Variants in OFD1 observed in about 807,000 individuals in gnomAD.
The protein encoded by OFD1 is OFD1 centriole and centriolar satellite protein.
OFD1 carries 12 observed loss-of-function variants against 81.4 expected under a neutral mutation model. The observed-to-expected ratio is 0.15, with a 90% confidence interval of 0.09 to 0.24. The LOEUF (loss-of-function observed/expected upper bound fraction) is 0.24, where lower values mean the gene tolerates loss of function less well. Among genes scored for constraint, OFD1 ranks in the 10% least tolerant of loss-of-function variants. OFD1 has a pLI of 1.00. For missense variants in OFD1, 685 were observed against 733.9 expected (o/e 0.93, Z 0.77); for synonymous variants, 256 against 263.7 (o/e 0.97, Z 0.28).
intron 17 of OFD1, 79 bp downstream of exon 17, chrX:13,761,290 ATT>A: frequency 1.0e-5 from 9 of 860,323 alleles, no homozygotes; most frequent in Non-Finnish European, 1.1e-5. Flanking sequence ...TTTTACTGGG[ATT>A]TTTTTTTTTT....
chrX:13,772,860 C>T (rs1183327876), downstream of OFD1: 3 of 1,203,192 alleles, frequency 2.5e-6, no homozygotes, highest in African/African-American at 5.2e-5. Flanking sequence ...AATACGTCGG[C>T]CGAAACACTC....
intron 10 of OFD1, among the ~76,000 whole-genome samples, chrX:13,751,677 T>G (rs777745280): frequency 2.7e-5 from 3 of 110,850 alleles, no homozygotes; most frequent in Non-Finnish European, 3.8e-5. Context: ...CTACTAAAAA[T>G]ACAAAAATTA....
At chrX:13,723,986 G>C in the OFD1 span, among the ~76,000 whole-genome samples, 1 of 112,050 alleles carries the variant, frequency 8.9e-6, no homozygotes, top group Non-Finnish European at 1.9e-5. Flanking sequence ...AGCAAAAGAG[G>C]AAAGTCAGGG....
intron 12 of OFD1, 28 bp from the exon 13 acceptor site, chrX:13,756,550 A>T: frequency 8.6e-7 from 1 of 1,163,405 alleles, no homozygotes; most frequent in Non-Finnish European, 1.2e-6. Context: ...TCATTATTCA[A>T]ATGTAAATTT....
Position 13,768,789 on chromosome X carries a change from C to T in OFD1, c.2996+4C>T, listed in dbSNP as rs186058136. The T allele has an allele frequency of 7.6e-6, 9 of 1,183,154 alleles. No individual in the cohort carries two copies. The East Asian group carries it at 2.4e-4, about 31-fold the overall frequency. ...AATCTAGTGACAAAGTCGAAAGGTA[C>T]CTGTTTTCCCTACACACTTTCATAC... On this transcript the variant is annotated splice_donor_region_variant and intron_variant, in intron 22 of 22. Transcript: ENST00000340096.
the OFD1 span, among the ~76,000 whole-genome samples, chrX:13,727,955 G>A: frequency 6.3e-5 from 7 of 111,992 alleles, no homozygotes; most frequent in Non-Finnish European, 1.1e-4. Flanking sequence ...ACTACCATCA[G>A]AGAATACTAT....
chrX:13,741,870 G>A (rs2146946522), intron 5 of OFD1, among the ~76,000 whole-genome samples: 1 of 111,868 alleles, frequency 8.9e-6, no homozygotes, highest in South Asian at 3.8e-4. Context: ...AAGTCATAAT[G>A]GTGGAATGTC....
chrX:13,762,225 A>T, intron 17 of OFD1, 119 bp from the exon 18 acceptor site: 1 of 527,066 alleles, frequency 1.9e-6, no homozygotes, highest in Non-Finnish European at 3.4e-6. Context: ...GCTATTTACA[A>T]GACAAAGAGA....
chrX:13,741,967 T>C (rs767581493), intron 5 of OFD1, among the ~76,000 whole-genome samples: 2 of 112,010 alleles, frequency 1.8e-5, no homozygotes, highest in Non-Finnish European at 3.8e-5. Context: ...GACGTATATA[T>C]GCAGGTTACG....
rs73451141 is a variant in OFD1, at chrX:13,745,291, T to C, written c.517+772T>C. On this transcript the variant is annotated intron_variant, in intron 6 of 22. Transcript: ENST00000340096. The stretch of plus-strand genomic sequence containing the variant: ...GAGCCACATACATAATTTTAAATTT[T>C]CTAGTAGCCACGTTGAAAAAAGTAA... Among the ~76,000 whole-genome samples, 730 of 112,666 alleles carry C rather than the reference T, an allele frequency of 6.5e-3. 4 individuals carry two copies. The highest frequency in any genetic ancestry group is 0.022 in the African/African-American group (683 of 31,038).
chrX:13,747,261 T>C (rs761806556), intron 8 of OFD1, among the ~76,000 whole-genome samples: 14 of 111,742 alleles, frequency 1.3e-4, no homozygotes, highest in African/African-American at 4.6e-4. Flanking sequence ...TAGGAGCAGA[T>C]TGGAGGTGCA....
In OFD1 at chrX:13,754,879, A is replaced by G. The variant is rs2074099; in HGVS notation, c.1130-272A>G. On this transcript the variant is annotated intron_variant, in intron 11 of 22. Transcript: ENST00000340096. ...ACAGATCTTTGTCTTCAAGGAAGTT[A>G]AGAGCTGTGGGTATTAGGGCCCTGT... Among the ~76,000 whole-genome samples, 32,732 of 112,155 alleles carry G rather than the reference A, an allele frequency of 0.29. 3,547 individuals carry two copies. The highest frequency in any genetic ancestry group is 0.47 in the South Asian group (1,284 of 2,737).
At chrX:13,755,677 TCATTA>T (rs761455125) in intron 12 of OFD1, among the ~76,000 whole-genome samples, 4 of 112,489 alleles carry the variant, frequency 3.6e-5, no homozygotes, top group Non-Finnish European at 7.5e-5. Context: ...AAAATTCCTG[TCATTA>T]CATTGTTATC....
chrX:13,753,537 C>T (rs1442339398), intron 11 of OFD1, 96 bp downstream of exon 11: 1 of 789,279 alleles, frequency 1.3e-6, no homozygotes, highest in South Asian at 2.3e-5. Context: ...AAAAATACAG[C>T]TTACACTTCA....
At chrX:13,715,904 G>T in the OFD1 span, 2 of 1,066,360 alleles carry the variant, frequency 1.9e-6, no homozygotes, top group Middle Eastern at 5.2e-4. Flanking sequence ...TAGTCTGAAA[G>T]GTAAACTGCA....
intron 3 of OFD1, among the ~76,000 whole-genome samples, chrX:13,737,043 C>T (rs1254651663): frequency 1.8e-5 from 2 of 111,875 alleles, no homozygotes; most frequent in African/African-American, 3.3e-5. Flanking sequence ...TTGTGTGTTA[C>T]GGATGAGGAA....
chrX:13,717,632 G>A, the OFD1 span, among the ~76,000 whole-genome samples: 1 of 110,259 alleles, frequency 9.1e-6, no homozygotes, highest in South Asian at 3.8e-4. Context: ...CCAGCTACTC[G>A]GGAGGCTGAG....
the OFD1 span, among the ~76,000 whole-genome samples, chrX:13,729,067 A>G: frequency 1.8e-5 from 2 of 111,865 alleles, no homozygotes; most frequent in African/African-American, 6.5e-5. Context: ...TTCAAGGAGA[A>G]CTACAAACCA....
the OFD1 span, chrX:13,722,267 A>G: frequency 5.7e-5 from 6 of 105,162 alleles, no homozygotes; most frequent in Non-Finnish European, 1.2e-4. Context: ...ATATATGTAC[A>G]CATATGTATA....
Sources: gnomAD v4.1 joint callset for allele counts (sites outside exome capture counted in the v4.1 genomes callset) on GRCh38, gnomAD v4.1.1 for gene constraint, MANE v1.5 for transcripts, NCBI Gene and HGNC (gene_info 2026-07-23, HGNC 2026-07-21) for gene names.